The following GABRG3 variants were observed in gnomAD, a reference collection of about 807,000 sequenced individuals.
The protein encoded by GABRG3 is gamma-aminobutyric acid receptor subunit gamma-3.
GABRG3 carries 25 observed loss-of-function variants against 48.8 expected under a neutral mutation model. The observed-to-expected ratio is 0.51, with a 90% confidence interval of 0.37 to 0.72. The LOEUF is 0.72. Ranked by LOEUF, GABRG3 falls within the 30% of genes least tolerant of loss-of-function variation. The pLI is 0.00. For missense variants in GABRG3, 394 were observed against 577.9 expected (o/e 0.68, Z 3.26); for synonymous variants, 227 against 217.6 (o/e 1.04, Z -0.38).
At chr15:27,365,588 T>TA (rs1221760470) in intron 5 of GABRG3, 1 of 152,206 alleles carries the variant, frequency 6.6e-6, no homozygotes, top group East Asian at 1.9e-4. Context: ...TGGCAGTGCT[T>TA]ATGCCAGGGC....
intron 3 of GABRG3, among the ~76,000 whole-genome samples, chr15:27,233,086 C>T (rs764178039): frequency 4.6e-5 from 7 of 151,816 alleles, no homozygotes; most frequent in South Asian, 2.1e-4. Context: ...CTGGAGACCC[C>T]GATCACTTGT....
chr15:27,451,223 T>C (rs182289001), intron 5 of GABRG3, among the ~76,000 whole-genome samples: 52 of 152,242 alleles, frequency 3.4e-4, no homozygotes, highest in African/African-American at 1.2e-3. Context: ...AGATCCCAAA[T>C]ATCCAGAACA....
At chr15:27,157,461 G>A (rs1050873919) in intron 3 of GABRG3, among the ~76,000 whole-genome samples, 1 of 152,244 alleles carries the variant, frequency 6.6e-6, no homozygotes, top group Admixed American at 6.5e-5. Context: ...GGCCCTTCCC[G>A]TATTTCATAT....
chr15:27,445,612 C>T (rs1431924224), intron 5 of GABRG3, among the ~76,000 whole-genome samples: 2 of 152,168 alleles, frequency 1.3e-5, no homozygotes, highest in Non-Finnish European at 2.9e-5. Context: ...GGTTTGCAAA[C>T]ATTTGCTCCC....
intron 3 of GABRG3, among the ~76,000 whole-genome samples, chr15:27,215,533 C>T (rs1056919348): frequency 6.6e-6 from 1 of 152,170 alleles, no homozygotes; most frequent in African/African-American, 2.4e-5. Context: ...ATAGATTGTT[C>T]TAACCTCTTC....
intron 5 of GABRG3, among the ~76,000 whole-genome samples, chr15:27,369,031 T>G (rs1895306450): frequency 6.6e-6 from 1 of 152,242 alleles, no homozygotes; most frequent in Non-Finnish European, 1.5e-5. Flanking sequence ...TGAAAAGTTT[T>G]ATATGTTCAC....
In GABRG3 at chr15:27,481,019, A is replaced by G. The variant is rs1396421013; in HGVS notation, c.712+232A>G. The G allele has an allele frequency of 1.3e-5, 18 of 1,335,136 alleles. No individual in the cohort carries two copies. The Admixed American group carries it at 4.5e-4, about 34-fold the overall frequency. 82.7% of individuals were successfully genotyped at this position (1,335,136 alleles called of 1,614,324 possible). A position where few individuals can be genotyped will look rare whatever the true frequency, so the allele number is the denominator to read the frequency against. ...TCCAGGCTGTGTTTGCATAATGTCT[A>G]TAAACCTAGCTATAAACTTAACCTA... On this transcript the variant is annotated intron_variant, in intron 6 of 9. Transcript: ENST00000615808.
chr15:27,050,799 T>A (rs553301578), intron 3 of GABRG3, among the ~76,000 whole-genome samples: 1 of 152,286 alleles, frequency 6.6e-6, no homozygotes, highest in African/African-American at 2.4e-5. Flanking sequence ...TTACTTATAG[T>A]AGTCATACAG....
chr15:27,278,768 G>C (rs1446312799), intron 3 of GABRG3, among the ~76,000 whole-genome samples: 1 of 152,166 alleles, frequency 6.6e-6, no homozygotes, highest in Non-Finnish European at 1.5e-5. Flanking sequence ...TTTTGTATGG[G>C]CATAAGTTTT....
At chr15:27,390,520 T>C (rs1896187769) in intron 5 of GABRG3, among the ~76,000 whole-genome samples, 1 of 152,060 alleles carries the variant, frequency 6.6e-6, no homozygotes, top group Non-Finnish European at 1.5e-5. Flanking sequence ...TGCCCAGCAA[T>C]AGAAACAGGG....
intron 3 of GABRG3, among the ~76,000 whole-genome samples, chr15:27,116,259 C>T (rs576494437): frequency 3.3e-5 from 5 of 152,172 alleles, no homozygotes; most frequent in African/African-American, 1.2e-4. Flanking sequence ...CCTAGCTGGA[C>T]TCAGAGGAGG....
chr15:27,230,110 C>A (rs1889751729), intron 3 of GABRG3, among the ~76,000 whole-genome samples: 1 of 152,124 alleles, frequency 6.6e-6, no homozygotes, highest in Non-Finnish European at 1.5e-5. Context: ...AGATCTTTCA[C>A]CTCCCTGGTT....
chr15:27,267,662 A>G (rs1055024534), intron 3 of GABRG3, among the ~76,000 whole-genome samples: 1 of 152,186 alleles, frequency 6.6e-6, no homozygotes, highest in African/African-American at 2.4e-5. Context: ...AGCTCAAGGA[A>G]TTTATAGATG....
intron 3 of GABRG3, among the ~76,000 whole-genome samples, chr15:27,166,386 T>G (rs1566952520): frequency 1.3e-5 from 2 of 152,226 alleles, no homozygotes; most frequent in Non-Finnish European, 2.9e-5. Flanking sequence ...AATGCCCTAA[T>G]GTGGACAACA....
At chr15:27,528,602 A>G (rs939020579) in intron 9 of GABRG3, among the ~76,000 whole-genome samples, 18 of 152,198 alleles carry the variant, frequency 1.2e-4, no homozygotes, top group Non-Finnish European at 2.1e-4. Context: ...CTCCATCAGC[A>G]ATGCCAGACA....
chr15:27,354,663 G>T (rs981455902), intron 5 of GABRG3, among the ~76,000 whole-genome samples: 3 of 152,230 alleles, frequency 2.0e-5, no homozygotes, highest in Non-Finnish European at 2.9e-5. Context: ...GTAGCAGTAT[G>T]CCACAACCAG....
chr15:27,306,666 T>C (rs1274375062), intron 3 of GABRG3, among the ~76,000 whole-genome samples: 3 of 101,468 alleles, frequency 3.0e-5, no homozygotes, highest in Non-Finnish European at 4.1e-5. Flanking sequence ...ATGAACATGT[T>C]TATATATAAA....
chr15:27,478,262 A>G (rs1466341631), intron 5 of GABRG3, among the ~76,000 whole-genome samples: 2 of 152,234 alleles, frequency 1.3e-5, no homozygotes, highest in African/African-American at 2.4e-5. Context: ...CATATATCTG[A>G]TAAAGGACTT....
At chr15:27,030,134 A>C (rs993657255) in intron 3 of GABRG3, among the ~76,000 whole-genome samples, 1 of 152,220 alleles carries the variant, frequency 6.6e-6, no homozygotes, top group African/African-American at 2.4e-5. Context: ...GATGAGAAGA[A>C]GCACAATTTA....
Sources: gnomAD v4.1 joint callset for allele counts (sites outside exome capture counted in the v4.1 genomes callset) on GRCh38, gnomAD v4.1.1 for gene constraint, MANE v1.5 for transcripts, NCBI Gene and HGNC (gene_info 2026-07-23, HGNC 2026-07-21) for gene names.